TENM4: variants seen among roughly 807,000 people sequenced by gnomAD.
TENM4 encodes teneurin transmembrane protein 4.
TENM4 carries 82 observed loss-of-function variants against 243.3 expected under a neutral mutation model. The ratio of observed to expected loss-of-function variants is 0.34; its 90% CI spans 0.28 to 0.40. TENM4 has a LOEUF of 0.40. TENM4 is among the 10% of genes least tolerant of loss of function. The pLI is 1.00. For synonymous variants in TENM4, 1,412 were observed against 1,456.3 expected (o/e 0.97, Z 0.69); for missense variants, 3,138 against 3,673.3 (o/e 0.85, Z 3.77).
rs1392970999 is a variant in TENM4, at chr11:78,732,590, G to A, written c.2877-13C>T. The A allele has an allele frequency of 1.1e-5, 18 of 1,586,626 alleles. No homozygotes were observed. The highest frequency in any genetic ancestry group is 1.5e-5 in the Non-Finnish European group (18 of 1,161,774). On this transcript the variant is annotated splice_polypyrimidine_tract_variant and intron_variant, in intron 20 of 33. Transcript: ENST00000278550. ...CACCAAGTCAAAGCTGTTTGGGAGG[G>A]GAAGGTTGAGAAGGGGCGGGGAGCA...
intron 1 of TENM4, among the ~76,000 whole-genome samples, chr11:79,324,956 C>T (rs1320165872): frequency 6.6e-6 from 1 of 152,234 alleles, no homozygotes; most frequent in Non-Finnish European, 1.5e-5. Context: ...CCCCACCTCT[C>T]TGTGCCTTCA....
At chr11:79,218,608 C>A (rs1864101928) in intron 2 of TENM4, among the ~76,000 whole-genome samples, 1 of 152,150 alleles carries the variant, frequency 6.6e-6, no homozygotes, top group Admixed American at 6.5e-5. Context: ...CTTGAAGAAG[C>A]TGCAGAGCTA....
intron 12 of TENM4, among the ~76,000 whole-genome samples, chr11:78,838,247 T>C (rs1016171924): frequency 2.6e-5 from 4 of 152,220 alleles, no homozygotes; most frequent in Admixed American, 2.0e-4. Context: ...GCTTTAGCCA[T>C]TACCTGTAAG....
At chr11:79,038,794 A>G (rs952835208) in intron 6 of TENM4, among the ~76,000 whole-genome samples, 1 of 152,236 alleles carries the variant, frequency 6.6e-6, no homozygotes, top group Non-Finnish European at 1.5e-5. Flanking sequence ...ACTATGCAAG[A>G]GTTTAACTTG....
chr11:79,258,938 GC>G (rs149563380), intron 2 of TENM4, among the ~76,000 whole-genome samples: 1,922 of 151,768 alleles, frequency 0.013, 45 homozygotes, highest in African/African-American at 0.044. Flanking sequence ...TCCAGTCCTG[GC>G]CCCCCCCACC....
intron 4 of TENM4, among the ~76,000 whole-genome samples, chr11:79,114,522 T>C (rs571039091): frequency 1.9e-4 from 29 of 152,344 alleles, no homozygotes; most frequent in African/African-American, 6.7e-4. Flanking sequence ...AATATAAATC[T>C]GGAGCCTGGT....
chr11:78,784,166 A>G (rs1258352396), intron 16 of TENM4, among the ~76,000 whole-genome samples: 1 of 152,240 alleles, frequency 6.6e-6, no homozygotes, highest in East Asian at 1.9e-4. Context: ...TAACAAGAGA[A>G]AATTTAACAC....
intron 1 of TENM4, among the ~76,000 whole-genome samples, chr11:79,372,606 A>G (rs1246352557): frequency 6.6e-6 from 1 of 152,204 alleles, no homozygotes; most frequent in Non-Finnish European, 1.5e-5. Context: ...CTAGGTGTGA[A>G]TGCTGGTCTG....
intron 12 of TENM4, among the ~76,000 whole-genome samples, chr11:78,815,987 G>C (rs1336702900): frequency 6.6e-6 from 1 of 152,162 alleles, no homozygotes; most frequent in Non-Finnish European, 1.5e-5. Context: ...AATGAGCAAG[G>C]CAGATCTATC....
chr11:79,092,647 T>C (rs977850595), intron 4 of TENM4, among the ~76,000 whole-genome samples: 3 of 152,234 alleles, frequency 2.0e-5, no homozygotes, highest in Non-Finnish European at 4.4e-5. Context: ...TCTTCATTCT[T>C]ATCCCCTGCT....
intron 1 of TENM4, among the ~76,000 whole-genome samples, chr11:79,308,516 G>T (rs1026066755): frequency 4.6e-5 from 7 of 152,188 alleles, no homozygotes; most frequent in African/African-American, 1.7e-4. Flanking sequence ...CCCAGAGACT[G>T]CTAATGCTAT....
intron 12 of TENM4, among the ~76,000 whole-genome samples, chr11:78,821,351 A>G (rs1857727475): frequency 6.6e-6 from 1 of 152,256 alleles, no homozygotes. Context: ...ACTCAATAAT[A>G]TTTATTGTAT....
intron 2 of TENM4, among the ~76,000 whole-genome samples, chr11:79,241,344 C>T (rs956989417): frequency 2.6e-5 from 4 of 151,898 alleles, no homozygotes; most frequent in East Asian, 1.9e-4. Context: ...CAAGCAGGGA[C>T]GGGCTGGCAG....
intron 1 of TENM4, among the ~76,000 whole-genome samples, chr11:79,378,546 C>T (rs1485385634): frequency 6.6e-6 from 1 of 152,194 alleles, no homozygotes; most frequent in Non-Finnish European, 1.5e-5. Flanking sequence ...CACTTCCACA[C>T]TCCACCTTAT....
chr11:79,375,916 G>A (rs1156669748), intron 1 of TENM4, among the ~76,000 whole-genome samples: 1 of 152,150 alleles, frequency 6.6e-6, no homozygotes, highest in African/African-American at 2.4e-5. Flanking sequence ...CACAGTGGGA[G>A]GGGAGGAAAG....
rs1256931101 is a variant in TENM4 at position 78,669,537 on chromosome 11, C to T, written c.6808G>A (p.Glu2270Lys). 4 of 1,613,950 alleles carry T rather than the reference C, an allele frequency of 2.5e-6. No homozygotes were observed. In the East Asian group the frequency reaches 6.7e-5, roughly 27 times the overall value. Residue 2270 changes from glutamate (E) to lysine (K), a missense_variant, in exon 32 of 34, where the codon GAG becomes AAG. Around this residue, in one of 2 missense-constraint regions of TENM4, gnomAD observed 2,467 missense variants for 3,059.1 expected, o/e 0.81. Transcript: ENST00000278550. This position sits in a 1 kb window ranked among gnomAD's most constrained non-coding sequence, Gnocchi z 6.4. ...ATGAGCAGGCCAGCTGAGTTGTACTCAAAGATATCACCGCCCCGCTGCCTC... is the reference window on the plus strand; with the variant it reads ...ATGAGCAGGCCAGCTGAGTTGTACTTAAAGATATCACCGCCCCGCTGCCTC... ...FLRQRGGDIFEYNSAGLLIKA... is the reference protein window; with the variant it reads ...FLRQRGGDIFKYNSAGLLIKA...
intron 2 of TENM4, among the ~76,000 whole-genome samples, chr11:79,237,444 A>T (rs1864497979): frequency 6.6e-6 from 1 of 152,234 alleles, no homozygotes; most frequent in African/African-American, 2.4e-5. Flanking sequence ...TGGGAGGCCG[A>T]GGCAGGCGGA....
intron 14 of TENM4, among the ~76,000 whole-genome samples, chr11:78,808,857 C>T (rs139336229): frequency 1.3e-5 from 2 of 152,302 alleles, no homozygotes; most frequent in African/African-American, 4.8e-5. Flanking sequence ...ATTCTCATGA[C>T]CTGCCTCAGA....
At chr11:79,034,569 T>G (rs934984138) in intron 6 of TENM4, among the ~76,000 whole-genome samples, 1 of 152,062 alleles carries the variant, frequency 6.6e-6, no homozygotes, top group Non-Finnish European at 1.5e-5. Flanking sequence ...GAAAATATTG[T>G]GGAAGTTTAA....
Sources: gnomAD v4.1 joint callset for allele counts (sites outside exome capture counted in the v4.1 genomes callset) on GRCh38, gnomAD v4.1.1 for gene constraint, gnomAD v4.1.1 regional missense constraint, Gnocchi (gnomAD v3.1) non-coding constraint, MANE v1.5 for transcripts, NCBI Gene and HGNC (gene_info 2026-07-23, HGNC 2026-07-21) for gene names.